The following ADARB1 variants were observed in gnomAD, a reference collection of about 807,000 sequenced individuals.
The protein encoded by ADARB1 is double-stranded RNA-specific editase 1.
In ADARB1, 10 loss-of-function variants were observed where a neutral mutation model predicts 52.4. The observed-to-expected ratio is 0.19, with a 90% confidence interval of 0.12 to 0.32. ADARB1 has a LOEUF of 0.32. ADARB1 is among the 10% of genes least tolerant of loss of function. The probability of loss-of-function intolerance (pLI) is 1.00; values close to 1 mark genes in which losing one functional copy is unlikely to be tolerated. For missense variants in ADARB1, 643 were observed against 922.3 expected (o/e 0.70, Z 3.92); for synonymous variants, 349 against 371.1 (o/e 0.94, Z 0.68).
intron 1 of ADARB1, among the ~76,000 whole-genome samples, chr21:45,127,990 G>A (rs563844537): frequency 1.3e-5 from 2 of 152,282 alleles, no homozygotes; most frequent in East Asian, 3.9e-4. Context: ...GGCAGAGCAC[G>A]TGCAGGGATG....
chr21:45,109,842 G>A (rs1185422067), intron 1 of ADARB1, among the ~76,000 whole-genome samples: 1 of 152,130 alleles, frequency 6.6e-6, no homozygotes, highest in Non-Finnish European at 1.5e-5. Context: ...ATTTTCCTTT[G>A]AAAACTTTCT....
intron 1 of ADARB1, among the ~76,000 whole-genome samples, chr21:45,080,408 G>T (rs1476623921): frequency 1.3e-5 from 2 of 152,236 alleles, no homozygotes; most frequent in Non-Finnish European, 1.5e-5. Context: ...GAGCAGGGAT[G>T]CTCAGCTCTA....
At chr21:45,151,310 T>C (rs1175109274) in intron 2 of ADARB1, among the ~76,000 whole-genome samples, 1 of 152,198 alleles carries the variant, frequency 6.6e-6, no homozygotes, top group Admixed American at 6.5e-5. Context: ...ACACACAAAT[T>C]TAAGAGTAAT....
chr21:45,199,467 G>T (rs924494066), intron 8 of ADARB1, among the ~76,000 whole-genome samples: 4 of 152,222 alleles, frequency 2.6e-5, no homozygotes, highest in Non-Finnish European at 5.9e-5. Context: ...GCAGCCAGCA[G>T]TCTGTGCTAG....
intron 1 of ADARB1, among the ~76,000 whole-genome samples, chr21:45,089,450 C>T (rs1455400071): frequency 2.6e-5 from 4 of 151,630 alleles, no homozygotes; most frequent in Non-Finnish European, 1.5e-5. Flanking sequence ...TGGATTTGGT[C>T]GATTTTTTTT....
intron 1 of ADARB1, among the ~76,000 whole-genome samples, chr21:45,112,398 GC>G (rs1277254338): frequency 6.6e-6 from 1 of 152,032 alleles, no homozygotes; most frequent in Non-Finnish European, 1.5e-5. Flanking sequence ...TGCACACAAG[GC>G]CCTTGGTGGA....
rs2085845027 is a variant in ADARB1, at chr21:45,074,801, C to A, written c.-220+8C>A. 6.8e-6 allele frequency: 1 copy of A among 147,282 alleles called. No individual in the cohort carries two copies. The highest frequency in any genetic ancestry group is 6.7e-5 in the Admixed American group (1 of 14,832). The allele number at this position is 147,282 out of a possible 1,614,324, so 9.1% of individuals were successfully genotyped here. On this transcript the variant is annotated splice_region_variant and intron_variant, in intron 1 of 10. Coordinates refer to ENST00000348831, the MANE Select transcript of ADARB1 (RefSeq NM_001112.4). The stretch of plus-strand genomic sequence containing the variant: ...GGCGCGGCTGCGGCTGAGGTGAGGG[C>A]GGCGCGGGGCCGCGGCGGCTCGGGC...
chr21:45,171,548 G>A (rs1569111437), intron 2 of ADARB1, 62 bp from the exon 3 acceptor site: 1 of 1,007,738 alleles, frequency 9.9e-7, no homozygotes, highest in Non-Finnish European at 1.5e-6. Context: ...CCTTAGAGTA[G>A]ACTTACTTCA....
intron 1 of ADARB1, among the ~76,000 whole-genome samples, chr21:45,109,799 G>A (rs2087452433): frequency 6.6e-6 from 1 of 152,128 alleles, no homozygotes. Context: ...AATCACGCTG[G>A]TTTTAAGCAA....
At chr21:45,119,874 A>G (rs2088060087) in intron 1 of ADARB1, among the ~76,000 whole-genome samples, 1 of 152,248 alleles carries the variant, frequency 6.6e-6, no homozygotes, top group South Asian at 2.1e-4. Context: ...CATCGAAATG[A>G]TAAAAGCAAG....
At chr21:45,211,768 T>C (rs1263199650) in intron 9 of ADARB1, among the ~76,000 whole-genome samples, 1 of 152,228 alleles carries the variant, frequency 6.6e-6, no homozygotes, top group Non-Finnish European at 1.5e-5. Context: ...CTTGCTTTTA[T>C]TGGTTTCTGT....
intron 9 of ADARB1, among the ~76,000 whole-genome samples, chr21:45,209,464 A>G (rs970523219): frequency 1.3e-5 from 2 of 152,078 alleles, no homozygotes; most frequent in African/African-American, 2.4e-5. Context: ...TTTTGGAGAA[A>G]AGTCCTGTGT....
At chr21:45,125,505 G>A (rs2088518151) in intron 1 of ADARB1, among the ~76,000 whole-genome samples, 2 of 152,282 alleles carry the variant, frequency 1.3e-5, no homozygotes, top group South Asian at 4.1e-4. Context: ...GAAATAGGAG[G>A]TGGAATCTGG....
chr21:45,083,782 C>T (rs2123641680), intron 1 of ADARB1, among the ~76,000 whole-genome samples: 1 of 152,322 alleles, frequency 6.6e-6, no homozygotes. Flanking sequence ...GTAGCCACAA[C>T]CTCCTGGGTT....
intron 1 of ADARB1, among the ~76,000 whole-genome samples, chr21:45,096,536 C>G (rs532599142): frequency 6.6e-6 from 1 of 152,332 alleles, no homozygotes; most frequent in Non-Finnish European, 1.5e-5. Flanking sequence ...CTCTCCTTTC[C>G]CTTTAGTGTT....
chr21:45,224,507 T>TTGA lies in ADARB1; in HGVS notation c.*2310_*2311insTGA, dbSNP rs2093023301. 1.4e-6 allele frequency: 1 copy of TTGA among 714,354 alleles called. No homozygotes were observed. The highest frequency in any genetic ancestry group is 1.6e-6 in the Non-Finnish European group (1 of 608,424). 44.3% of individuals were successfully genotyped at this position (714,354 alleles called of 1,614,324 possible). On this transcript the variant is annotated 3_prime_UTR_variant, in exon 11 of 11. Transcript: ENST00000348831. Reference sequence around the variant, plus strand: ...CTGGGAGCCCTGGGTGGGGCAGCTGTGGGGAGGAACTGGGTTCGGGGAGCC... The same window carrying TTGA: ...CTGGGAGCCCTGGGTGGGGCAGCTGTTGAGGGGAGGAACTGGGTTCGGGGAGCC...
At chr21:45,121,910 G>A (rs2088215633) in intron 1 of ADARB1, among the ~76,000 whole-genome samples, 4 of 152,136 alleles carry the variant, frequency 2.6e-5, no homozygotes, top group Admixed American at 2.6e-4. Context: ...CTCCTCTCGG[G>A]CCATCAACTT....
At chr21:45,088,125 G>T (rs1468427094) in intron 1 of ADARB1, among the ~76,000 whole-genome samples, 1 of 152,194 alleles carries the variant, frequency 6.6e-6, no homozygotes, top group Non-Finnish European at 1.5e-5. Context: ...TACAGCACAG[G>T]AGTAAACATA....
At chr21:45,099,210 G>C (rs1043780357) in intron 1 of ADARB1, among the ~76,000 whole-genome samples, 11 of 152,178 alleles carry the variant, frequency 7.2e-5, no homozygotes, top group African/African-American at 2.7e-4. Context: ...TGAGGAGGGG[G>C]TGGTGGTAGG....
Sources: gnomAD v4.1 joint callset for allele counts (sites outside exome capture counted in the v4.1 genomes callset) on GRCh38, gnomAD v4.1.1 for gene constraint, MANE v1.5 for transcripts, NCBI Gene and HGNC (gene_info 2026-07-23, HGNC 2026-07-21) for gene names.